Variants in HS3ST4 observed in about 807,000 individuals in gnomAD.
HS3ST4 encodes the protein heparan sulfate glucosamine 3-O-sulfotransferase 4.
In HS3ST4, 17 loss-of-function variants were observed where a neutral mutation model predicts 29.2. The observed-to-expected ratio is 0.58, with a 90% CI of 0.40 to 0.87. The LOEUF is 0.87. HS3ST4 is among the 40% of genes least tolerant of loss of function. The probability of loss-of-function intolerance (pLI) is 0.00; values close to 1 mark genes in which losing one functional copy is unlikely to be tolerated. For missense variants in HS3ST4, 627 were observed against 634.5 expected (o/e 0.99, Z 0.13); for synonymous variants, 314 against 285.7 (o/e 1.10, Z -1.00).
chr16:25,902,516 A>C (rs11640710), intron 1 of HS3ST4, among the ~76,000 whole-genome samples: 69,147 of 151,838 alleles, frequency 0.46, 15,929 homozygotes, highest in Middle Eastern at 0.51. Context: ...AGATGAAACC[A>C]TAGAAAAGAC....
intron 1 of HS3ST4, among the ~76,000 whole-genome samples, chr16:25,966,203 G>T (rs1968840869): frequency 6.6e-6 from 1 of 152,140 alleles, no homozygotes; most frequent in Non-Finnish European, 1.5e-5. Context: ...AGGTCATATG[G>T]CTGGAAAACA....
intron 1 of HS3ST4, 50 bp from the exon 2 acceptor site, chr16:26,135,562 T>C: frequency 6.6e-7 from 1 of 1,505,054 alleles, no homozygotes; most frequent in African/African-American, 1.4e-5. Context: ...GAAGTTCAGA[T>C]ATTTCTGGAC....
chr16:26,049,401 G>GGAGGTCTACATCCA (rs1443798212), intron 1 of HS3ST4, among the ~76,000 whole-genome samples: 5 of 144,006 alleles, frequency 3.5e-5, no homozygotes, highest in Non-Finnish European at 1.5e-5. Flanking sequence ...GTCTACATCC[G>GGAGGTCTACATCCA]GAGAATGATG....
At chr16:25,834,963 A>G (rs773233797) in intron 1 of HS3ST4, among the ~76,000 whole-genome samples, 1 of 152,038 alleles carries the variant, frequency 6.6e-6, no homozygotes, top group African/African-American at 2.4e-5. Context: ...ACCACAAAAC[A>G]CAAAAAACAA....
chr16:25,956,842 C>G (rs1467749265), intron 1 of HS3ST4, among the ~76,000 whole-genome samples: 4 of 151,822 alleles, frequency 2.6e-5, no homozygotes, highest in Non-Finnish European at 4.4e-5. Flanking sequence ...ACTAAAAATA[C>G]AAAAAATTAG....
chr16:26,084,796 G>A (rs900366635), intron 1 of HS3ST4, among the ~76,000 whole-genome samples: 1 of 151,778 alleles, frequency 6.6e-6, no homozygotes. Flanking sequence ...ATTTTGTAGA[G>A]ACAGGGCCTT....
intron 1 of HS3ST4, among the ~76,000 whole-genome samples, chr16:25,712,059 A>G (rs1966419073): frequency 6.6e-6 from 1 of 152,208 alleles, no homozygotes; most frequent in Admixed American, 6.5e-5. Context: ...ATACTCCTGT[A>G]ACATCATTTA....
At chr16:25,885,607 A>G (rs888708428) in intron 1 of HS3ST4, among the ~76,000 whole-genome samples, 2 of 152,132 alleles carry the variant, frequency 1.3e-5, no homozygotes, top group Admixed American at 6.6e-5. Flanking sequence ...TCCCCCAACC[A>G]CAAACTCGAT....
intron 1 of HS3ST4, among the ~76,000 whole-genome samples, chr16:26,087,151 G>A (rs977106031): frequency 1.3e-5 from 2 of 152,238 alleles, no homozygotes; most frequent in Admixed American, 1.3e-4. Flanking sequence ...TTAAGAGCTT[G>A]CTAGCATTTC....
At chr16:25,983,374 G>A (rs1052511605) in intron 1 of HS3ST4, among the ~76,000 whole-genome samples, 1 of 152,170 alleles carries the variant, frequency 6.6e-6, no homozygotes, top group Non-Finnish European at 1.5e-5. Flanking sequence ...CAGGATTTTT[G>A]TGTGGACATC....
chr16:25,739,856 C>G (rs1413751270), intron 1 of HS3ST4, among the ~76,000 whole-genome samples: 1 of 152,154 alleles, frequency 6.6e-6, no homozygotes, highest in African/African-American at 2.4e-5. Flanking sequence ...AATTTGACAT[C>G]TTCCTGTGGT....
At chr16:25,943,267 G>T (rs1331570735) in intron 1 of HS3ST4, among the ~76,000 whole-genome samples, 2 of 152,162 alleles carry the variant, frequency 1.3e-5, no homozygotes, top group African/African-American at 4.8e-5. Context: ...ATGAAGGATG[G>T]ATTAAATAAA....
intron 1 of HS3ST4, among the ~76,000 whole-genome samples, chr16:25,812,057 G>A (rs1049444290): frequency 3.9e-5 from 6 of 151,952 alleles, no homozygotes; most frequent in African/African-American, 9.7e-5. Context: ...TTCTTTATGC[G>A]GTCTACTGTT....
intron 1 of HS3ST4, among the ~76,000 whole-genome samples, chr16:25,712,558 A>G (rs546152550): frequency 3.9e-5 from 6 of 152,310 alleles, no homozygotes; most frequent in African/African-American, 1.4e-4. Context: ...AAGAAGCACC[A>G]TAAGACAAGA....
intron 1 of HS3ST4, among the ~76,000 whole-genome samples, chr16:25,956,728 G>T (rs960868435): frequency 4.6e-5 from 7 of 152,186 alleles, no homozygotes; most frequent in Admixed American, 1.3e-4. Context: ...GCTGGGCGTG[G>T]TGGCTCATGC....
At chr16:25,773,029 GA>G (rs1219722763) in intron 1 of HS3ST4, among the ~76,000 whole-genome samples, 1 of 152,086 alleles carries the variant, frequency 6.6e-6, no homozygotes, top group African/African-American at 2.4e-5. Flanking sequence ...TCTCTATTAG[GA>G]AAAAGAAGAA....
intron 1 of HS3ST4, among the ~76,000 whole-genome samples, chr16:26,111,998 A>G (rs904019893): frequency 2.8e-5 from 4 of 144,126 alleles, no homozygotes; most frequent in African/African-American, 1.0e-4. Context: ...GCCCGGCGAC[A>G]GAGTGAGACT....
intron 1 of HS3ST4, among the ~76,000 whole-genome samples, chr16:26,043,303 A>G (rs1416552315): frequency 6.6e-6 from 1 of 152,214 alleles, no homozygotes; most frequent in African/African-American, 2.4e-5. Context: ...AAAATTAGGT[A>G]GAAGAATCTG....
intron 1 of HS3ST4, among the ~76,000 whole-genome samples, chr16:25,975,026 A>C (rs1053722695): frequency 1.3e-5 from 2 of 151,944 alleles, no homozygotes; most frequent in Non-Finnish European, 2.9e-5. Context: ...ATCATCTTCC[A>C]CTTCTGCTCT....
Sources: allele counts gnomAD v4.1 joint callset (sites outside exome capture counted in the v4.1 genomes callset), GRCh38; gene constraint gnomAD v4.1.1; transcripts MANE v1.5; gene names NCBI Gene and HGNC (gene_info 2026-07-23, HGNC 2026-07-21).